The following HSPG2 variants were observed in gnomAD, a reference collection of about 807,000 sequenced individuals.
HSPG2 encodes the protein heparan sulfate proteoglycan 2, also known as basement membrane-specific heparan sulfate proteoglycan core protein.
HSPG2 carries 278 observed loss-of-function variants against 526.6 expected under a neutral mutation model. That is an observed-to-expected ratio of 0.53 (90% CI 0.48 to 0.58). HSPG2 has a LOEUF of 0.58. HSPG2 is among the 20% of genes least tolerant of loss of function. HSPG2 has a pLI of 0.00. For synonymous variants in HSPG2, 2,465 were observed against 2,555.4 expected (o/e 0.96, Z 1.07); for missense variants, 5,354 against 6,099.5 (o/e 0.88, Z 4.07).
chr1:21,934,534 C>T (rs185246827), intron 1 of HSPG2, among the ~76,000 whole-genome samples: 109 of 152,090 alleles, frequency 7.2e-4, no homozygotes, highest in African/African-American at 2.4e-3. Flanking sequence ...TTTAGGAGAC[C>T]GAGGCGAGAG....
chr1:21,823,803 C>G (rs545327188), intron 95 of HSPG2, 84 bp from the exon 96 acceptor site: 1 of 1,039,522 alleles, frequency 9.6e-7, no homozygotes, highest in East Asian at 2.4e-5. Flanking sequence ...CCTCTGATAT[C>G]GAGACTCCAG....
At chr1:21,885,267 A>T (rs1641802795) in intron 10 of HSPG2, 53 bp downstream of exon 10, 1 of 1,612,658 alleles carries the variant, frequency 6.2e-7, no homozygotes, top group Non-Finnish European at 8.5e-7. Flanking sequence ...CTGTGGACAG[A>T]ACCCCTAGAA....
At chr1:21,842,697 G>A in intron 67 of HSPG2, 73 bp downstream of exon 67, 1 of 1,593,672 alleles carries the variant, frequency 6.3e-7, no homozygotes, top group Non-Finnish European at 8.6e-7. Context: ...GTTTGCATGA[G>A]GTTTGGGTAC....
At position 21,890,194 on chromosome 1, in the gene HSPG2, A is replaced by G. The variant is rs1050830606; in HGVS notation, c.414-53T>C. On this transcript the variant is annotated intron_variant, in intron 5 of 96. Transcript: ENST00000374695. This position sits in a 1 kb window ranked among gnomAD's most constrained non-coding sequence, Gnocchi z 4.1. Reference sequence around the variant, plus strand: ...GGGTCAGCGAGACACCTGTGTTCTCAGCTCCTCCATGAGGCTCCCGCCCCG... The same window carrying G: ...GGGTCAGCGAGACACCTGTGTTCTCGGCTCCTCCATGAGGCTCCCGCCCCG... The G allele has an allele frequency of 3.7e-6, 6 of 1,604,880 alleles. No individual in the cohort carries two copies. In the South Asian group the frequency reaches 5.5e-5, roughly 15 times the overall value.
rs546288805 is a variant in HSPG2 at position 21,904,470 on chromosome 1, G to T, written c.64-8160C>A. Among the ~76,000 whole-genome samples the T allele has an allele frequency of 1.3e-5, 2 of 152,108 alleles. No homozygotes were observed. Among genetic ancestry groups the T allele is most frequent in the Non-Finnish European group, 2.9e-5 (2 of 68,014 alleles). On this transcript the variant is annotated intron_variant, in intron 1 of 96. Transcript: ENST00000374695. This position sits in a 1 kb window ranked among gnomAD's most constrained non-coding sequence, Gnocchi z 4.4. Reference sequence around the variant, plus strand: ...GTGGGCTTTTCCATTTAAAAGGGCCGCCCCTCAGTTGTGCTGCTGACCCGG... The same window carrying T: ...GTGGGCTTTTCCATTTAAAAGGGCCTCCCCTCAGTTGTGCTGCTGACCCGG...
chr1:21,882,949 T>C (rs1321714256), intron 13 of HSPG2, among the ~76,000 whole-genome samples: 1 of 152,056 alleles, frequency 6.6e-6, no homozygotes, highest in Non-Finnish European at 1.5e-5. Flanking sequence ...GGTTACTCAA[T>C]CCTCTTTCCT....
rs2152754144 is a variant in HSPG2, at chr1:21,880,468, A to G, written c.2090T>C (p.Val697Ala). The change falls in exon 16 of 97, where the codon GTG becomes GCG. Residue 697 changes from valine to alanine, a missense_variant. Coordinates refer to ENST00000374695, the MANE Select transcript of HSPG2 (RefSeq NM_005529.7). ...CACGCTGGCCATCTTGGTGTTGTAC[A>G]CGGTCTGGATGAGCACGGCCTCCAG... ...QSLEAVLIQT[V>A]YNTKMASVGL... The G allele has an allele frequency of 6.2e-7, 1 of 1,613,864 alleles. No individual in the cohort carries two copies. Among genetic ancestry groups the G allele is most frequent in the Non-Finnish European group, 8.5e-7 (1 of 1,179,984 alleles).
chr1:21,854,185 C>T lies in HSPG2; in HGVS notation c.6439+8G>A, dbSNP rs1301849229. On this transcript the variant is annotated splice_region_variant and intron_variant, in intron 50 of 96. Transcript: ENST00000374695. ...TCAGCCCCGGCCCAGCCACACCTGG[C>T]TCCTCACCTGGGGTGTAGCTGGGGC... The T allele has an allele frequency of 2.5e-6, 4 of 1,576,324 alleles. No individual in the cohort carries two copies. Among genetic ancestry groups the T allele is most frequent in the Non-Finnish European group, 2.6e-6 (3 of 1,158,924 alleles).
In HSPG2 at chr1:21,933,545, C is replaced by T. The variant is rs181803770; in HGVS notation, c.63+3610G>A. 1.5e-3 allele frequency among the ~76,000 whole-genome samples: 222 copies of T among 152,362 alleles called. 2 individuals are homozygous for T. Among genetic ancestry groups the T allele is most frequent in the African/African-American group, 5.0e-3 (207 of 41,584 alleles). ...TCTTCCGGGCCCTGAACCCAGTCACCTCCTGCCACCTTCTTTCCACCGTCT... is the reference window on the plus strand; with the variant it reads ...TCTTCCGGGCCCTGAACCCAGTCACTTCCTGCCACCTTCTTTCCACCGTCT... On this transcript the variant is annotated intron_variant, in intron 1 of 96. Coordinates refer to ENST00000374695, the MANE Select transcript of HSPG2 (RefSeq NM_005529.7).
intron 33 of HSPG2, among the ~76,000 whole-genome samples, chr1:21,866,310 C>T (rs1462059867): frequency 6.6e-6 from 1 of 152,192 alleles, no homozygotes; most frequent in Non-Finnish European, 1.5e-5. Flanking sequence ...CTATAAAGAA[C>T]AACTGTCTCC....
chr1:21,850,417 C>A lies in HSPG2; in HGVS notation c.7240G>T (p.Val2414Leu), dbSNP rs750738902. Residue 2414 changes from valine to leucine, a missense_variant, in exon 56 of 97, where the codon GTG (valine) becomes TTG (leucine). Coordinates refer to ENST00000374695, the MANE Select transcript of HSPG2 (RefSeq NM_005529.7). ...ACCAGGACAGAGGCCTCTAGAGGCA[C>A]GGAGCTGCCCAACACTCGGCACACG... is the stretch of plus-strand genomic sequence containing the variant. ...EYVCRVLGSSVPLEASVLVTI... is the reference protein window; with the variant it reads ...EYVCRVLGSSLPLEASVLVTI... 78 of 1,611,628 alleles carry A rather than the reference C, an allele frequency of 4.8e-5. No homozygotes were observed. Among genetic ancestry groups the A allele is most frequent in the Non-Finnish European group, 6.3e-5 (74 of 1,179,268 alleles).
chr1:21,843,275 C>T (rs1158982849), intron 66 of HSPG2, 22 bp downstream of exon 66: 9 of 1,613,652 alleles, frequency 5.6e-6, no homozygotes, highest in East Asian at 4.5e-5. Flanking sequence ...TCTGGCATCG[C>T]CCACTGCTCC....
intron 1 of HSPG2, among the ~76,000 whole-genome samples, chr1:21,932,575 C>G (rs1009842461): frequency 5.9e-5 from 9 of 152,120 alleles, no homozygotes; most frequent in African/African-American, 2.2e-4. Flanking sequence ...AACACATAAA[C>G]AAATACAGAC....
In HSPG2 at chr1:21,884,927, C is replaced by T; in HGVS notation, c.1356-9G>A. 2 of 1,613,966 alleles carry T rather than the reference C, an allele frequency of 1.2e-6. No individual in the cohort carries two copies. Among genetic ancestry groups the T allele is most frequent in the Non-Finnish European group, 1.7e-6 (2 of 1,180,012 alleles). ...CGCTGGTCACTGTCACCCTGGTGAG[C>T]CCCAAGACAAGTGGTAGGATCTGGC... On this transcript the variant is annotated splice_polypyrimidine_tract_variant and intron_variant, in intron 11 of 96. Coordinates refer to ENST00000374695, the MANE Select transcript of HSPG2 (RefSeq NM_005529.7).
At chr1:21,908,001 G>A (rs1643468603) in intron 1 of HSPG2, 1 of 648,982 alleles carries the variant, frequency 1.5e-6, no homozygotes, top group Admixed American at 2.0e-5. Context: ...GTTAAATACA[G>A]ATGTAAAATG....
At position 21,828,275 on chromosome 1, in the gene HSPG2, A is replaced by G; in HGVS notation, c.12389T>C (p.Leu4130Pro). The stretch of plus-strand genomic sequence containing the variant: ...CCCACCTTTGAATCCATCTCGACAC[A>G]GGCACTGGAACTCATACTCGCCAGC... ...MPAGEYEFQCLCRDGFKGDLC... is the reference protein window; with the variant it reads ...MPAGEYEFQCPCRDGFKGDLC... Residue 4130 changes from leucine to proline, a missense_variant, in exon 89 of 97, where the codon CTG (leucine) becomes CCG (proline). Coordinates refer to ENST00000374695, the MANE Select transcript of HSPG2 (RefSeq NM_005529.7). This position sits in a 1 kb window ranked among gnomAD's most constrained non-coding sequence, Gnocchi z 6.0. 1 of 1,613,770 alleles carries G rather than the reference A, an allele frequency of 6.2e-7. No homozygotes were observed.
intron 1 of HSPG2, among the ~76,000 whole-genome samples, chr1:21,915,573 C>T (rs557785060): frequency 4.5e-4 from 69 of 152,278 alleles, no homozygotes; most frequent in Admixed American, 2.2e-3. Flanking sequence ...AGAGCTGGAA[C>T]GGTTCCAATA....
intron 53 of HSPG2, 58 bp downstream of exon 53, chr1:21,852,030 G>A: frequency 1.2e-6 from 2 of 1,611,788 alleles, no homozygotes; most frequent in Non-Finnish European, 1.7e-6. Context: ...CAGCCTAGGG[G>A]CCAGGATCCT....
intron 69 of HSPG2, 138 bp downstream of exon 69, chr1:21,841,864 A>G (rs966244505): frequency 2.2e-6 from 3 of 1,354,216 alleles, no homozygotes; most frequent in Non-Finnish European, 3.1e-6. Context: ...CTTGCCATAC[A>G]GAGACGGGAA....
Sources: gnomAD v4.1 joint callset for allele counts (sites outside exome capture counted in the v4.1 genomes callset) on GRCh38, gnomAD v4.1.1 for gene constraint, Gnocchi (gnomAD v3.1) non-coding constraint, MANE v1.5 for transcripts, NCBI Gene and HGNC (gene_info 2026-07-23, HGNC 2026-07-21) for gene names.